Variants in SLC17A7 observed in about 807,000 individuals in gnomAD.
SLC17A7 encodes vesicular glutamate transporter 1.
In SLC17A7, 15 loss-of-function variants were observed where a neutral mutation model predicts 59.1. The ratio of observed to expected loss-of-function variants is 0.25; its 90% CI spans 0.17 to 0.39. The LOEUF is 0.39. Ranked by LOEUF, SLC17A7 falls within the 10% of genes least tolerant of loss-of-function variation. The pLI is 1.00. For synonymous variants in SLC17A7, 353 were observed against 308.9 expected (o/e 1.14, Z -1.50); for missense variants, 499 against 765.1 (o/e 0.65, Z 4.10).
In SLC17A7 at chr19:49,434,881, C is replaced by T; in HGVS notation, c.436G>A (p.Val146Ile). 1 of 1,612,468 alleles carries T rather than the reference C, an allele frequency of 6.2e-7. No individual in the cohort carries two copies. The highest frequency in any genetic ancestry group is 8.5e-7 in the Non-Finnish European group (1 of 1,179,162). Residue 146 changes from valine to isoleucine, a missense_variant and splice_region_variant, in exon 4 of 12, where the codon GTT becomes ATT. Physicochemically the swap from Val to Ile is conservative, Grantham distance 29 (BLOSUM62 3). Around this residue, in one of 3 missense-constraint regions of SLC17A7, gnomAD observed 323 missense variants for 607.2 expected, o/e 0.53. Coordinates refer to ENST00000221485, the MANE Select transcript of SLC17A7 (RefSeq NM_020309.4). ...GTTGCCACAATAGCAAAGCCGAAAA[C>T]TCTGATGGGAAGGGTCAGAGAAAAG... ...FICQKFAANRVFGFAIVATST... is the reference protein window; with the variant it reads ...FICQKFAANRIFGFAIVATST...
rs2078953327 is a variant in SLC17A7, at chr19:49,430,330, T to C, written c.*189A>G. The stretch of plus-strand genomic sequence containing the variant: ...ATTTGGGTATCCTTGAAACTGTCAG[T>C]CTGCAGCTTCACTACCCCTGAGAGG... On this transcript the variant is annotated 3_prime_UTR_variant, in exon 12 of 12. Transcript: ENST00000221485. 1.9e-6 allele frequency: 1 copy of C among 525,484 alleles called. No individual in the cohort carries two copies. The highest frequency in any genetic ancestry group is 3.6e-5 in the Admixed American group (1 of 27,416). 32.6% of individuals were successfully genotyped at this position (525,484 alleles called of 1,614,324 possible).
chr19:49,434,675 G>A lies in SLC17A7; in HGVS notation c.564C>T (p.Pro188=), dbSNP rs763717264. ...LQGLVEGVTY[P]ACHGIWSKWA... is the part of the protein sequence containing the mutation. ...ATTTGCTCCAGATCCCATGGCAGGCGGGGTATGTGACCCCCTAAAGAGGAG... is the reference window on the plus strand; with the variant it reads ...ATTTGCTCCAGATCCCATGGCAGGCAGGGTATGTGACCCCCTAAAGAGGAG... Residue 188 remains proline, a synonymous_variant, in exon 5 of 12, where the codon CCC becomes CCT. Transcript: ENST00000221485. 2 of 1,614,110 alleles carry A rather than the reference G, an allele frequency of 1.2e-6. No homozygotes were observed. Among genetic ancestry groups the A allele is most frequent in the East Asian group, 2.2e-5 (1 of 44,886 alleles).
chr19:49,430,554 G>T lies in SLC17A7; in HGVS notation c.1648C>A (p.Pro550Thr), dbSNP rs1376279439. The T allele has an allele frequency of 1.3e-6, 2 of 1,599,548 alleles. No homozygotes were observed. Among genetic ancestry groups the T allele is most frequent in the Non-Finnish European group, 1.7e-6 (2 of 1,171,772 alleles). Residue 550 changes from proline to threonine, a missense_variant, in exon 12 of 12, where the codon CCC (proline) becomes ACC (threonine). Pro to Thr is a conservative substitution (Grantham distance 38, BLOSUM62 -1). Transcript: ENST00000221485. ...SYGATHSTFQ[P>T]PRPPPPVRDY Reference sequence around the variant, plus strand: ...CGGACAGGGGGTGGGGGCCTGGGGGGCTGAAATGTGCTGTGTGTGGCCCCA... The same window carrying T: ...CGGACAGGGGGTGGGGGCCTGGGGGTCTGAAATGTGCTGTGTGTGGCCCCA...
intron 1 of SLC17A7, among the ~76,000 whole-genome samples, chr19:49,441,025 G>A (rs556233714): frequency 2.6e-5 from 4 of 152,178 alleles, no homozygotes; most frequent in African/African-American, 7.2e-5. Flanking sequence ...AGAAAGAGAC[G>A]GGGACAGAGA....
At position 49,431,239 on chromosome 19, in the gene SLC17A7, G is replaced by T. The variant is rs2078958201; in HGVS notation, c.1262-97C>A. The T allele has an allele frequency of 6.3e-7, 1 of 1,580,114 alleles. No individual in the cohort carries two copies. Among genetic ancestry groups the T allele is most frequent in the African/African-American group, 1.3e-5 (1 of 74,498 alleles). ...ACCCTCTCCCCTCCCCGCCACTCAT[G>T]TTCCACCTTTTGTGAGGCTGAGAGG... On this transcript the variant is annotated intron_variant, in intron 10 of 11. Coordinates refer to ENST00000221485, the MANE Select transcript of SLC17A7 (RefSeq NM_020309.4). This position sits in a 1 kb window ranked among gnomAD's most constrained non-coding sequence, Gnocchi z 4.6.
rs1968848823 is a variant in SLC17A7, at chr19:49,431,594, C to T, written c.1151-146G>A. On this transcript the variant is annotated intron_variant, in intron 9 of 11. Coordinates refer to ENST00000221485, the MANE Select transcript of SLC17A7 (RefSeq NM_020309.4). The surrounding 1 kb of genome is among the most constrained non-coding windows in gnomAD (Gnocchi z 4.6). ...CCACCTCCACGCCCAGGCCTCTTCGCGCCCTCCACGCCACCCGCACCCACC... is the reference window on the plus strand; with the variant it reads ...CCACCTCCACGCCCAGGCCTCTTCGTGCCCTCCACGCCACCCGCACCCACC... 1.6e-6 allele frequency: 1 copy of T among 642,926 alleles called. No homozygotes were observed. Among genetic ancestry groups the T allele is most frequent in the South Asian group, 1.9e-5 (1 of 53,062 alleles). The allele number at this position is 642,926 out of a possible 1,614,324, so 39.8% of individuals were successfully genotyped here.
chr19:49,437,108 G>T (rs2078982715), intron 1 of SLC17A7: 1 of 469,860 alleles, frequency 2.1e-6, no homozygotes, highest in Admixed American at 3.5e-5. Context: ...AACCCTTTGG[G>T]ATTCAAGAGC....
chr19:49,433,855 G>T lies in SLC17A7; in HGVS notation c.738C>A (p.Ile246=), dbSNP rs1471966321. The change falls in exon 7 of 12, where the codon ATC becomes ATA. Residue 246 remains isoleucine, a synonymous_variant. Transcript: ENST00000221485. The surrounding 1 kb of genome is among the most constrained non-coding windows in gnomAD (Gnocchi z 5.7). The part of the protein sequence containing the change: ...SVFYVYGSFG[I]FWYLFWLLVS... ...CGAGCAGCCAGAACAGGTACCAGAA[G>T]ATCCCGAAGCTGCCTGGGGGGGTCA... 6.2e-7 allele frequency: 1 copy of T among 1,611,510 alleles called. No homozygotes were observed. The highest frequency in any genetic ancestry group is 1.3e-5 in the African/African-American group (1 of 74,806).
intron 3 of SLC17A7, 140 bp downstream of exon 3, chr19:49,435,028 G>T: frequency 9.9e-7 from 1 of 1,008,038 alleles, no homozygotes; most frequent in Non-Finnish European, 1.5e-6. Context: ...TCAATCGCAA[G>T]CCCCACCTTT....
At position 49,429,818 on chromosome 19, in the gene SLC17A7, G is replaced by A. The variant is rs1458433167; in HGVS notation, c.*701C>T. On this transcript the variant is annotated 3_prime_UTR_variant, in exon 12 of 12. Transcript: ENST00000221485. The stretch of plus-strand genomic sequence containing the variant: ...GAAAACCATGTCAGAAAAAGTGCAC[G>A]GGGGTAGAGAGGCATATTGTTAAAA... 8.0e-6 allele frequency: 3 copies of A among 375,322 alleles called. No homozygotes were observed. Among genetic ancestry groups the A allele is most frequent in the Non-Finnish European group, 9.5e-6 (2 of 211,440 alleles). The allele number at this position is 375,322 out of a possible 1,614,324, so 23.2% of individuals were successfully genotyped here.
In SLC17A7 at chr19:49,433,697, G is replaced by A. The variant is rs375020620; in HGVS notation, c.867+29C>T. ...GGTTCGTGGCTTGCTATCTCTCCCC[G>A]CCCCTTCCCCGAAGATTTGGTCCCG... On this transcript the variant is annotated intron_variant, in intron 7 of 11. Transcript: ENST00000221485. This position sits in a 1 kb window ranked among gnomAD's most constrained non-coding sequence, Gnocchi z 5.7. 2 of 1,613,832 alleles carry A rather than the reference G, an allele frequency of 1.2e-6. No individual in the cohort carries two copies. Among genetic ancestry groups the A allele is most frequent in the African/African-American group, 2.7e-5 (2 of 74,890 alleles).
At chr19:49,440,006 T>G (rs977537122) in intron 1 of SLC17A7, among the ~76,000 whole-genome samples, 2 of 151,368 alleles carry the variant, frequency 1.3e-5, no homozygotes, top group Non-Finnish European at 2.9e-5. Flanking sequence ...AGAAAAAGGG[T>G]GGGGAGGGGC....
chr19:49,430,331 C>A lies in SLC17A7; in HGVS notation c.*188G>T. 1.9e-6 allele frequency: 1 copy of A among 529,208 alleles called. No individual in the cohort carries two copies. Among genetic ancestry groups the A allele is most frequent in the Non-Finnish European group, 3.3e-6 (1 of 301,544 alleles). 32.8% of individuals were successfully genotyped at this position (529,208 alleles called of 1,614,324 possible). A position where few individuals can be genotyped will look rare whatever the true frequency, so the allele number is the denominator to read the frequency against. On this transcript the variant is annotated 3_prime_UTR_variant, in exon 12 of 12. Transcript: ENST00000221485. ...TTTGGGTATCCTTGAAACTGTCAGT[C>A]TGCAGCTTCACTACCCCTGAGAGGC...
Position 49,436,257 on chromosome 19 carries a change from G to T in SLC17A7, c.315+292C>A. ...AAAATTGCTAGTAGGTCCAAAATGG[G>T]GCAGGGGCAACCCCTAGGGAACCTG... is the stretch of plus-strand genomic sequence containing the variant. On this transcript the variant is annotated intron_variant, in intron 2 of 11. Coordinates refer to ENST00000221485, the MANE Select transcript of SLC17A7 (RefSeq NM_020309.4). This position sits in a 1 kb window ranked among gnomAD's most constrained non-coding sequence, Gnocchi z 4.1. 6.3e-6 allele frequency: 3 copies of T among 475,102 alleles called. No individual in the cohort carries two copies. The highest frequency in any genetic ancestry group is 3.4e-5 in the Admixed American group (1 of 29,778). The allele number at this position is 475,102 out of a possible 1,614,324, so 29.4% of individuals were successfully genotyped here. A position where few individuals can be genotyped will look rare whatever the true frequency, so the allele number is the denominator to read the frequency against.
At position 49,441,334 on chromosome 19, in the gene SLC17A7, G is replaced by A. The variant is rs2078999006; in HGVS notation, c.46C>T (p.Leu16Phe). Residue 16 changes from leucine (L) to phenylalanine (F), a missense_variant, in exon 1 of 12, where the codon CTC becomes TTC. Physicochemically the swap from Leu to Phe is conservative, Grantham distance 22. Transcript: ENST00000221485. ...CAGGCTCACCGGTGCAGCTTCCCGA[G>A]AGCACGACCCGCTAGCTTCCGAAAC... is the stretch of plus-strand genomic sequence containing the variant. Reference protein sequence around the residue: ...EEFRKLAGRALGKLHRLLEKR... With the variant: ...EEFRKLAGRAFGKLHRLLEKR... 1.2e-6 allele frequency: 2 copies of A among 1,610,034 alleles called. No individual in the cohort carries two copies. Among genetic ancestry groups the A allele is most frequent in the Non-Finnish European group, 8.5e-7 (1 of 1,179,032 alleles).
Position 49,433,727 on chromosome 19 carries a change from G to T in SLC17A7, c.866C>A (p.Thr289Lys), listed in dbSNP as rs758053857. The change falls in exon 7 of 12, where the codon ACG becomes AAG. Residue 289 changes from threonine (T) to lysine (K), a missense_variant and splice_region_variant. Physicochemically the swap from Thr to Lys is moderately conservative, Grantham distance 78. This residue lies in a region of SLC17A7 where 323 missense variants were observed against 607.2 expected (regional missense o/e 0.53). Coordinates refer to ENST00000221485, the MANE Select transcript of SLC17A7 (RefSeq NM_020309.4). The surrounding 1 kb of genome is among the most constrained non-coding windows in gnomAD (Gnocchi z 5.7). The part of the protein sequence containing the change: ...GESAKLMNPL[T>K]KFSTPWRRFF... ...TTCCCCGAAGATTTGGTCCCGGACC[G>T]TGAGGGGGTTCATGAGTTTCGCGCT... The T allele has an allele frequency of 6.2e-7, 1 of 1,614,124 alleles. No individual in the cohort carries two copies. Among genetic ancestry groups the T allele is most frequent in the South Asian group, 1.1e-5 (1 of 91,070 alleles).
chr19:49,433,300 G>A lies in SLC17A7; in HGVS notation c.868-340C>T. On this transcript the variant is annotated intron_variant, in intron 7 of 11. Transcript: ENST00000221485. This position sits in a 1 kb window ranked among gnomAD's most constrained non-coding sequence, Gnocchi z 5.7. ...GTAGAGACGGGGGTTTCGCCATGTTGCCCAAGCTGGTCTGGAACTCCTGGG... is the reference window on the plus strand; with the variant it reads ...GTAGAGACGGGGGTTTCGCCATGTTACCCAAGCTGGTCTGGAACTCCTGGG... 1 of 398,768 alleles carries A rather than the reference G, an allele frequency of 2.5e-6. No homozygotes were observed. The highest frequency in any genetic ancestry group is 4.6e-6 in the Non-Finnish European group (1 of 217,552). 24.7% of individuals were successfully genotyped at this position (398,768 alleles called of 1,614,324 possible). A position where few individuals can be genotyped will look rare whatever the true frequency, so the allele number is the denominator to read the frequency against.
rs2078953195 is a variant in SLC17A7 at position 49,430,281 on chromosome 19, G to C, written c.*238C>G. On this transcript the variant is annotated 3_prime_UTR_variant, in exon 12 of 12. Coordinates refer to ENST00000221485, the MANE Select transcript of SLC17A7 (RefSeq NM_020309.4). ...GATTTGAAACCACTGAGGCAGAACG[G>C]GTGGAGAGGGAACCTTTAGGGGAAT... 1 of 437,008 alleles carries C rather than the reference G, an allele frequency of 2.3e-6. No individual in the cohort carries two copies. The highest frequency in any genetic ancestry group is 4.0e-6 in the Non-Finnish European group (1 of 246,984). 27.1% of individuals were successfully genotyped at this position (437,008 alleles called of 1,614,324 possible).
rs1035279684 is a variant in SLC17A7, at chr19:49,431,030, G to C, written c.1374C>G (p.Ala458=). ...CGGCACCCACCTTGTGCTTAGTCATGGCCCCCACGATGATGGGGCACACCA... is the reference window on the plus strand; with the variant it reads ...CGGCACCCACCTTGTGCTTAGTCATCGCCCCCACGATGATGGGGCACACCA... The part of the protein sequence containing the change: ...SGMVCPIIVG[A]MTKHKTREEW... The change falls in exon 11 of 12, where the codon GCC becomes GCG. Residue 458 remains alanine, a synonymous_variant. Transcript: ENST00000221485. The surrounding 1 kb of genome is among the most constrained non-coding windows in gnomAD (Gnocchi z 4.6). The C allele has an allele frequency of 2.5e-6, 4 of 1,611,824 alleles. No homozygotes were observed. The highest frequency in any genetic ancestry group is 1.7e-5 in the Admixed American group (1 of 59,936).
Sources: gnomAD v4.1 joint callset for allele counts (sites outside exome capture counted in the v4.1 genomes callset) on GRCh38, gnomAD v4.1.1 for gene constraint, gnomAD v4.1.1 regional missense constraint, Gnocchi (gnomAD v3.1) non-coding constraint, MANE v1.5 for transcripts, NCBI Gene and HGNC (gene_info 2026-07-23, HGNC 2026-07-21) for gene names.